MTOR: variants seen among roughly 807,000 people sequenced by gnomAD.
MTOR encodes the protein mechanistic target of rapamycin kinase, also known as serine/threonine-protein kinase mTOR.
MTOR carries 70 observed loss-of-function variants against 319.8 expected under a neutral mutation model. That is an observed-to-expected ratio of 0.22 (90% CI 0.18 to 0.27). The LOEUF (loss-of-function observed/expected upper bound fraction) is 0.27, where lower values mean the gene tolerates loss of function less well. Ranked by LOEUF, MTOR falls within the 10% of genes least tolerant of loss-of-function variation. MTOR has a pLI of 1.00. For missense variants in MTOR, 1,890 were observed against 3,274.4 expected (o/e 0.58, Z 10.32); for synonymous variants, 1,183 against 1,211.4 (o/e 0.98, Z 0.49).
At chr1:11,165,609 A>G (rs1644617672) in intron 29 of MTOR, among the ~76,000 whole-genome samples, 1 of 152,136 alleles carries the variant, frequency 6.6e-6, no homozygotes, top group Admixed American at 6.6e-5. Context: ...ACAAACAAAT[A>G]GAAGAACATT....
chr1:11,179,064 T>G (rs1432167172), intron 28 of MTOR, among the ~76,000 whole-genome samples: 1 of 152,170 alleles, frequency 6.6e-6, no homozygotes, highest in African/African-American at 2.4e-5. Context: ...GGATGCCTCA[T>G]GGAAGAGAAC....
intron 28 of MTOR, among the ~76,000 whole-genome samples, chr1:11,184,698 A>G (rs2100680113): frequency 6.6e-6 from 1 of 152,202 alleles, no homozygotes; most frequent in Non-Finnish European, 1.5e-5. Context: ...GCACTACAGC[A>G]CTCCAGGGTG....
chr1:11,212,539 G>A lies in MTOR; in HGVS notation c.3399-65C>T, dbSNP rs1569577154. 1 of 1,555,206 alleles carries A rather than the reference G, an allele frequency of 6.4e-7. No individual in the cohort carries two copies. The highest frequency in any genetic ancestry group is 2.3e-5 in the East Asian group (1 of 44,424). ...ATCTCCAAGGAAGAGACGTGACTGA[G>A]GGTGAGCTTAACAATCAGCACCAAA... On this transcript the variant is annotated intron_variant, in intron 22 of 57. Transcript: ENST00000361445. This position sits in a 1 kb window ranked among gnomAD's most constrained non-coding sequence, Gnocchi z 4.1.
At chr1:11,134,988 A>C (rs879550855) in intron 36 of MTOR, among the ~76,000 whole-genome samples, 4 of 152,264 alleles carry the variant, frequency 2.6e-5, no homozygotes, top group Non-Finnish European at 5.9e-5. Flanking sequence ...CACAGGGAAT[A>C]GGGAGAAGAT....
At chr1:11,203,704 T>G (rs1646050612) in intron 26 of MTOR, among the ~76,000 whole-genome samples, 1 of 152,166 alleles carries the variant, frequency 6.6e-6, no homozygotes, top group Non-Finnish European at 1.5e-5. Context: ...AATTCTATTT[T>G]CCAAAGATGT....
At chr1:11,188,274 G>C (rs1027374836) in intron 28 of MTOR, among the ~76,000 whole-genome samples, 6 of 152,176 alleles carry the variant, frequency 3.9e-5, no homozygotes, top group Non-Finnish European at 7.3e-5. Context: ...AAGGATGTTT[G>C]CTGAAACTCC....
intron 36 of MTOR, among the ~76,000 whole-genome samples, chr1:11,136,672 T>C (rs1643433136): frequency 1.3e-5 from 2 of 152,038 alleles, no homozygotes; most frequent in Non-Finnish European, 2.9e-5. Flanking sequence ...TTAATTTTAA[T>C]TTTAATTTTT....
rs2100406093 is a variant in MTOR at position 11,127,593 on chromosome 1, G to C, written c.6216+31C>G. 6.3e-7 allele frequency: 1 copy of C among 1,578,836 alleles called. No homozygotes were observed. Among genetic ancestry groups the C allele is most frequent in the Non-Finnish European group, 8.6e-7 (1 of 1,164,728 alleles). ...TTTAGTGGCAGAATATTTCTACAGG[G>C]TTATGTCCTTTCGTGTTTTTTACCC... On this transcript the variant is annotated intron_variant, in intron 44 of 57. Coordinates refer to ENST00000361445, the MANE Select transcript of MTOR (RefSeq NM_004958.4). This position sits in a 1 kb window ranked among gnomAD's most constrained non-coding sequence, Gnocchi z 5.5.
intron 39 of MTOR, among the ~76,000 whole-genome samples, chr1:11,130,293 G>GAAGCTTGACAAGGA (rs1280597944): frequency 6.6e-6 from 1 of 152,206 alleles, no homozygotes; most frequent in East Asian, 1.9e-4. Flanking sequence ...CGTCCACAGG[G>GAAGCTTGACAAGGA]AAGCTTGACA....
At chr1:11,236,137 CTTTT>C (rs1224891837) in intron 13 of MTOR, among the ~76,000 whole-genome samples, 4 of 138,348 alleles carry the variant, frequency 2.9e-5, no homozygotes, top group Admixed American at 7.3e-5. Flanking sequence ...TTATTTTTTC[CTTTT>C]TTTTTTTTTT....
intron 46 of MTOR, 148 bp from the exon 47 acceptor site, chr1:11,124,781 T>C: frequency 2.1e-6 from 2 of 958,366 alleles, no homozygotes; most frequent in Non-Finnish European, 2.9e-6. Flanking sequence ...ATCTTTAGAA[T>C]TAATGAAAAG....
intron 50 of MTOR, 33 bp downstream of exon 50, chr1:11,116,971 A>G (rs756036912): frequency 6.6e-7 from 1 of 1,510,548 alleles, no homozygotes; most frequent in Non-Finnish European, 9.1e-7. Context: ...CAATGGAGAA[A>G]GAAGACTAAA....
chr1:11,170,038 G>C (rs1644764078), intron 28 of MTOR, among the ~76,000 whole-genome samples: 1 of 152,198 alleles, frequency 6.6e-6, no homozygotes, highest in Admixed American at 6.5e-5. Context: ...GATTCGTTGG[G>C]GAAGCTATGC....
chr1:11,122,798 C>T (rs974924262), intron 47 of MTOR, among the ~76,000 whole-genome samples: 6 of 152,172 alleles, frequency 3.9e-5, no homozygotes, highest in African/African-American at 1.4e-4. Context: ...TGAGCCACCG[C>T]GCCCGGCGGC....
In MTOR at chr1:11,196,592, C is replaced by T. The variant is rs185396911; in HGVS notation, c.4253+2666G>A. ...AGAAATAGCTGCACGCGGTGGCTCACGCCTGTAATCCCAGCACTTTAGGAG... is the reference window on the plus strand; with the variant it reads ...AGAAATAGCTGCACGCGGTGGCTCATGCCTGTAATCCCAGCACTTTAGGAG... On this transcript the variant is annotated intron_variant, in intron 28 of 57. Coordinates refer to ENST00000361445, the MANE Select transcript of MTOR (RefSeq NM_004958.4). 3.5e-3 allele frequency among the ~76,000 whole-genome samples: 526 copies of T among 152,246 alleles called. 10 individuals carry two copies. The highest frequency in any genetic ancestry group is 0.026 in the Admixed American group (401 of 15,288).
intron 6 of MTOR, among the ~76,000 whole-genome samples, chr1:11,250,452 T>C (rs1649523297): frequency 6.6e-6 from 1 of 152,222 alleles, no homozygotes; most frequent in South Asian, 2.1e-4. Context: ...ATCCAACTGA[T>C]ACTTCCACCT....
At position 11,259,261 on chromosome 1, in the gene MTOR, A is replaced by G. The variant is rs1650806357; in HGVS notation, c.149T>C (p.Met50Thr). 3.7e-6 allele frequency: 6 copies of G among 1,613,722 alleles called. No homozygotes were observed. The Admixed American group carries it at 5.0e-5, about 13-fold the overall frequency. The change falls in exon 2 of 58, where the codon ATG (methionine) becomes ACG (threonine). Residue 50 changes from methionine to threonine, a missense_variant. Met to Thr is a moderately conservative substitution (Grantham distance 81). Around this residue, in one of 15 missense-constraint regions of MTOR, gnomAD observed 85 missense variants for 105.8 expected, o/e 0.80. Coordinates refer to ENST00000361445, the MANE Select transcript of MTOR (RefSeq NM_004958.4). Reference protein sequence around the residue: ...AAKELQHYVTMELREMSQEES... With the variant: ...AAKELQHYVTTELREMSQEES... ...TCCCAGAAGCACCTCTCGGAGTTCC[A>G]TGGTGACATAGTGCTGGAGCTCCTT...
rs1409001766 is a variant in MTOR at position 11,259,420 on chromosome 1, G to A, written c.-11C>T. The stretch of plus-strand genomic sequence containing the variant: ...TCCGGTTCCAAGCATCTTGCCCTGA[G>A]GTTCTTTAGAGAGAAGTTTCCTTTA... On this transcript the variant is annotated 5_prime_UTR_variant, in exon 2 of 58. Coordinates refer to ENST00000361445, the MANE Select transcript of MTOR (RefSeq NM_004958.4). The A allele has an allele frequency of 3.3e-6, 5 of 1,536,466 alleles. No homozygotes were observed. Among genetic ancestry groups the A allele is most frequent in the Non-Finnish European group, 2.6e-6 (3 of 1,149,260 alleles).
intron 6 of MTOR, among the ~76,000 whole-genome samples, chr1:11,253,590 C>G (rs1649981442): frequency 6.6e-6 from 1 of 152,132 alleles, no homozygotes; most frequent in Non-Finnish European, 1.5e-5. Flanking sequence ...CATGTGGACC[C>G]CCGTCAAATA....
Sources: gnomAD v4.1 joint callset for allele counts (sites outside exome capture counted in the v4.1 genomes callset) on GRCh38, gnomAD v4.1.1 for gene constraint, gnomAD v4.1.1 regional missense constraint, Gnocchi (gnomAD v3.1) non-coding constraint, MANE v1.5 for transcripts, NCBI Gene and HGNC (gene_info 2026-07-23, HGNC 2026-07-21) for gene names.